Variants in ADAP1 observed in about 807,000 individuals in gnomAD.
ADAP1 encodes arf-GAP with dual PH domain-containing protein 1.
ADAP1 carries 31 observed loss-of-function variants against 54.9 expected under a neutral mutation model. The observed-to-expected ratio is 0.56, with a 90% confidence interval of 0.42 to 0.76. The LOEUF (loss-of-function observed/expected upper bound fraction) is 0.76. ADAP1 is among the 30% of genes least tolerant of loss of function. The pLI is 0.00. For missense variants in ADAP1, 535 were observed against 512.4 expected, an observed-to-expected ratio of 1.04 and a Z score of -0.42; for synonymous variants, 313 against 202.6, an observed-to-expected ratio of 1.55 and a Z score of -4.63.
intron 3 of ADAP1, among the ~76,000 whole-genome samples, chr7:924,100 CGGGTT>C (rs1846288051): frequency 1.1e-5 from 1 of 90,164 alleles, no homozygotes; most frequent in Non-Finnish European, 2.4e-5. Context: ...CCCCGCCCTC[CGGGTT>C]ACACTGCAGG....
In ADAP1 at chr7:899,154, G is replaced by T; in HGVS notation, c.975C>A (p.Ile325=). The T allele has an allele frequency of 6.2e-7, 1 of 1,611,516 alleles. No individual in the cohort carries two copies. The change falls in exon 10 of 11, where the codon ATC becomes ATA. Residue 325 remains isoleucine, a synonymous_variant. Coordinates refer to ENST00000265846, the MANE Select transcript of ADAP1 (RefSeq NM_006869.4). ...STQGHHWPHG[I]TIVTPDRKFL... ...ACTTGCGGTCGGGCGTGACGATGGT[G>T]ATGCCATGTGGCCAGTGGTGGCCCT...
Position 926,942 on chromosome 7 carries a change from C to A in ADAP1, c.214-298G>T. The A allele has an allele frequency of 7.9e-7, 1 of 1,264,372 alleles. No homozygotes were observed. The highest frequency in any genetic ancestry group is 1.0e-6 in the Non-Finnish European group (1 of 973,526). The allele number at this position is 1,264,372 out of a possible 1,614,324, so 78.3% of individuals were successfully genotyped here. A position where few individuals can be genotyped will look rare whatever the true frequency, so the allele number is the denominator to read the frequency against. ...CTGAGGTTTGCCCCACCGTTTCAAC[C>A]CCCAAGTCCACCCACACCGGGTGTC... On this transcript the variant is annotated intron_variant, in intron 2 of 10. Transcript: ENST00000265846. This position sits in a 1 kb window ranked among gnomAD's most constrained non-coding sequence, Gnocchi z 4.6.
chr7:915,312 C>T (rs1203750498), intron 4 of ADAP1, among the ~76,000 whole-genome samples: 1 of 152,186 alleles, frequency 6.6e-6, no homozygotes, highest in Non-Finnish European at 1.5e-5. Context: ...GCCTCATGCA[C>T]ACTGTGCACC....
At chr7:902,268 G>A (rs530705065) in intron 6 of ADAP1, among the ~76,000 whole-genome samples, 5 of 150,848 alleles carry the variant, frequency 3.3e-5, no homozygotes, top group Admixed American at 6.6e-5. Flanking sequence ...AGACCAGCCT[G>A]ACCAACATGA....
At position 938,158 on chromosome 7, in the gene ADAP1, G is replaced by GT. The variant is rs923017264; in HGVS notation, c.83-2654dup. 1.2e-3 allele frequency among the ~76,000 whole-genome samples: 184 copies of GT among 151,968 alleles called. 5 individuals are homozygous for GT. In the South Asian group the frequency reaches 0.03, roughly 24 times the overall value. On this transcript the variant is annotated intron_variant, in intron 1 of 10. Transcript: ENST00000265846. This position sits in a 1 kb window ranked among gnomAD's most constrained non-coding sequence, Gnocchi z 4.4. ...ATCAGCCGTTGTTTGGTTTTGCGGG[G>GT]TTTTTTTTGTCTTGTATTGTATTGT... is the stretch of plus-strand genomic sequence containing the variant.
intron 6 of ADAP1, among the ~76,000 whole-genome samples, chr7:901,767 C>T (rs1562907038): frequency 6.6e-6 from 1 of 150,966 alleles, no homozygotes; most frequent in African/African-American, 2.4e-5. Context: ...CTCCTTCCCC[C>T]GCCCACCCTT....
At chr7:942,638 AGGAG>A (rs1327515181) in intron 1 of ADAP1, among the ~76,000 whole-genome samples, 18 of 7,930 alleles carry the variant, frequency 2.3e-3, no homozygotes, top group East Asian at 0.023. Flanking sequence ...GGAAGGGAGG[AGGAG>A]GAAGAGGAGG....
At chr7:931,278 G>GA (rs1397965543) in intron 2 of ADAP1, among the ~76,000 whole-genome samples, 2 of 152,212 alleles carry the variant, frequency 1.3e-5, no homozygotes. Flanking sequence ...GGAAACTGCT[G>GA]AATGTGTCAC....
rs1846699919 is a variant in ADAP1, at chr7:934,905, G to C, written c.213+470C>G. On this transcript the variant is annotated intron_variant, in intron 2 of 10. Coordinates refer to ENST00000265846, the MANE Select transcript of ADAP1 (RefSeq NM_006869.4). Reference sequence around the variant, plus strand: ...TGTGTCACCTCAGAGGCCGCCCAGGGGACAGGTAATGGTGCCCTACACGGC... The same window carrying C: ...TGTGTCACCTCAGAGGCCGCCCAGGCGACAGGTAATGGTGCCCTACACGGC... Among the ~76,000 whole-genome samples, 3 of 152,202 alleles carry C rather than the reference G, an allele frequency of 2.0e-5. No homozygotes were observed. The South Asian group carries it at 6.2e-4, about 31-fold the overall frequency.
rs141374306 is a variant in ADAP1 at position 916,345 on chromosome 7, T to A, written c.388+3623A>T. Among the ~76,000 whole-genome samples the A allele has an allele frequency of 1.4e-4, 21 of 152,288 alleles. No individual in the cohort carries two copies. In the East Asian group the frequency reaches 4.1e-3, roughly 29 times the overall value. ...ATCAAGCTGTGCCCTGTTATTCCAG[T>A]CAATCCATTTCCAGTTTTGCTGACA... On this transcript the variant is annotated intron_variant, in intron 4 of 10. Transcript: ENST00000265846.
intron 4 of ADAP1, chr7:905,610 GAAAGGAGAAAGGGAAAGGAGAAAGGGA>G (rs1562912420): frequency 2.9e-5 from 3 of 102,944 alleles, no homozygotes; most frequent in Non-Finnish European, 5.0e-5. Context: ...GGAGAAAGGA[GAAAGGAGAAAGGGAAAGGAGAAAGGGA>G]AAGGAGAAAG....
chr7:925,434 C>T (rs1846349015), intron 3 of ADAP1, among the ~76,000 whole-genome samples: 1 of 151,994 alleles, frequency 6.6e-6, no homozygotes, highest in African/African-American at 2.4e-5. Flanking sequence ...CCTTCCTCCC[C>T]TCTCCCTCCT....
intron 4 of ADAP1, among the ~76,000 whole-genome samples, chr7:906,768 TGG>T (rs58476805): frequency 0.19 from 4,576 of 24,662 alleles, 497 homozygotes; most frequent in Non-Finnish European, 0.27. Context: ...ACAGGGGACA[TGG>T]GGGACAGGGG....
chr7:904,422 C>A lies in ADAP1; in HGVS notation c.502-150G>T, dbSNP rs3824076. 99 of 978,526 alleles carry A rather than the reference C, an allele frequency of 1.0e-4. 1 individual carries two copies. The Middle Eastern group carries it at 1.3e-3, about 13-fold the overall frequency. 60.6% of individuals were successfully genotyped at this position (978,526 alleles called of 1,614,324 possible). On this transcript the variant is annotated intron_variant, in intron 5 of 10. Transcript: ENST00000265846. ...TTAAGCGCTCTGAGCCTTGGCCTCC[C>A]GGTCTGTAAGCAGAAGGTAACAGCA...
chr7:900,111 C>T lies in ADAP1; in HGVS notation c.786G>A (p.Thr262=), dbSNP rs139452042. The change falls in exon 8 of 11, where the codon ACG becomes ACA. Residue 262 remains threonine (T), a synonymous_variant. Coordinates refer to ENST00000265846, the MANE Select transcript of ADAP1 (RefSeq NM_006869.4). ...NYLKEGYMEK[T]GPKQTEGFRK... is the part of the protein sequence containing the mutation. ...CGTGCGGCACACCCACCTTGGGCCCCGTCTTCTCCATGTAGCCTTCCTTCA... is the reference window on the plus strand; with the variant it reads ...CGTGCGGCACACCCACCTTGGGCCCTGTCTTCTCCATGTAGCCTTCCTTCA... The T allele has an allele frequency of 1.4e-5, 22 of 1,613,104 alleles. No individual in the cohort carries two copies. Among genetic ancestry groups the T allele is most frequent in the African/African-American group, 5.3e-5 (4 of 74,944 alleles).
chr7:935,366 C>T lies in ADAP1; in HGVS notation c.213+9G>A, dbSNP rs760311378. 1 of 1,554,786 alleles carries T rather than the reference C, an allele frequency of 6.4e-7. No individual in the cohort carries two copies. The highest frequency in any genetic ancestry group is 8.7e-7 in the Non-Finnish European group (1 of 1,149,458). On this transcript the variant is annotated intron_variant, in intron 2 of 10. Coordinates refer to ENST00000265846, the MANE Select transcript of ADAP1 (RefSeq NM_006869.4). ...CTGCGCGGGTCCCCCCGCCCCTCCC[C>T]CTCCGTACCTCCACTTGGGCCTCCT...
Position 920,112 on chromosome 7 carries a change from C to T in ADAP1, c.306-62G>A. Reference sequence around the variant, plus strand: ...GCGGCCTCCGACCCAGCACACGCCGCTCTCTGGCCCGGACCCTGGACATCT... The same window carrying T: ...GCGGCCTCCGACCCAGCACACGCCGTTCTCTGGCCCGGACCCTGGACATCT... On this transcript the variant is annotated intron_variant, in intron 3 of 10. Transcript: ENST00000265846. This position sits in a 1 kb window ranked among gnomAD's most constrained non-coding sequence, Gnocchi z 4.5. The T allele has an allele frequency of 6.7e-7, 1 of 1,497,468 alleles. No individual in the cohort carries two copies. The highest frequency in any genetic ancestry group is 1.8e-5 in the Admixed American group (1 of 56,672). The allele number at this position is 1,497,468 out of a possible 1,614,324, so 92.8% of individuals were successfully genotyped here.
At chr7:900,242 G>A (rs575040512) in intron 7 of ADAP1, 78 bp from the exon 8 acceptor site, 3 of 1,560,164 alleles carry the variant, frequency 1.9e-6, no homozygotes, top group East Asian at 4.5e-5. Context: ...GCCCCTCTGT[G>A]CTCCCCTCAC....
At chr7:924,100 C>T (rs1460652121) in intron 3 of ADAP1, among the ~76,000 whole-genome samples, 28 of 90,234 alleles carry the variant, frequency 3.1e-4, no homozygotes, top group South Asian at 4.7e-4. Context: ...CCCCGCCCTC[C>T]GGGTTACACT....
Sources: allele counts gnomAD v4.1 joint callset (sites outside exome capture counted in the v4.1 genomes callset), GRCh38; gene constraint gnomAD v4.1.1; non-coding constraint Gnocchi (gnomAD v3.1); transcripts MANE v1.5; gene names NCBI Gene and HGNC (gene_info 2026-07-23, HGNC 2026-07-21).